TENM2: variants seen among roughly 807,000 people sequenced by gnomAD.
TENM2 encodes the protein teneurin transmembrane protein 2, also known as teneurin-2.
In TENM2, 52 loss-of-function variants were observed where a neutral mutation model predicts 245.2. That is an observed-to-expected ratio of 0.21 (90% CI 0.17 to 0.27). TENM2 has a LOEUF of 0.27. Among genes scored for constraint, TENM2 ranks in the 10% least tolerant of loss-of-function variants. TENM2 has a pLI of 1.00. For synonymous variants in TENM2, 1,363 were observed against 1,438.9 expected, an observed-to-expected ratio of 0.95 and a Z score of 1.19; for missense variants, 3,046 against 3,666.8, an observed-to-expected ratio of 0.83 and a Z score of 4.37.
At chr5:167,665,029 A>G (rs1312273204) in intron 2 of TENM2, among the ~76,000 whole-genome samples, 1 of 152,148 alleles carries the variant, frequency 6.6e-6, no homozygotes, top group Non-Finnish European at 1.5e-5. Context: ...GGATAATCAC[A>G]CTCTGCAAAT....
intron 1 of TENM2, among the ~76,000 whole-genome samples, chr5:167,304,166 A>G (rs1338855698): frequency 2.0e-5 from 3 of 152,210 alleles, no homozygotes; most frequent in Non-Finnish European, 2.9e-5. Flanking sequence ...TGGGTTCAGA[A>G]GCCAGAAGAT....
At chr5:167,168,505 A>G in the TENM2 span, 2 of 152,226 alleles carry the variant, frequency 1.3e-5, no homozygotes, top group Non-Finnish European at 2.9e-5. Context: ...CATCATCTGA[A>G]TTGTCCTTTC....
intron 2 of TENM2, among the ~76,000 whole-genome samples, chr5:167,623,599 A>G (rs980146532): frequency 2.6e-5 from 4 of 152,082 alleles, no homozygotes; most frequent in Admixed American, 2.6e-4. Context: ...ACTATGTACA[A>G]CTACCTCACA....
At chr5:167,028,877 G>A in the TENM2 span, among the ~76,000 whole-genome samples, 1 of 151,998 alleles carries the variant, frequency 6.6e-6, no homozygotes, top group African/African-American at 2.4e-5. Flanking sequence ...GCCTGTGTTT[G>A]CATTCTTTTT....
Position 167,952,837 on chromosome 5 carries a change from C to G in TENM2, c.947+15C>G. The G allele has an allele frequency of 6.5e-7, 1 of 1,547,828 alleles. No individual in the cohort carries two copies. The highest frequency in any genetic ancestry group is 2.0e-5 in the Admixed American group (1 of 51,018). On this transcript the variant is annotated intron_variant, in intron 4 of 28. Coordinates refer to ENST00000518659, the Ensembl canonical transcript of TENM2. ...CTGGAGACCCGGTAAGTCCCCATCGCCAGCTCACAGTCACACTCAGTGTCA... is the reference window on the plus strand; with the variant it reads ...CTGGAGACCCGGTAAGTCCCCATCGGCAGCTCACAGTCACACTCAGTGTCA...
chr5:167,290,470 G>A (rs1199094650), intron 1 of TENM2, among the ~76,000 whole-genome samples: 2 of 152,154 alleles, frequency 1.3e-5, no homozygotes, highest in Non-Finnish European at 2.9e-5. Flanking sequence ...ACCAGCAGAA[G>A]TGGCGATCAC....
the TENM2 span, among the ~76,000 whole-genome samples, chr5:167,229,625 C>T: frequency 6.6e-6 from 1 of 152,130 alleles, no homozygotes; most frequent in Non-Finnish European, 1.5e-5. Flanking sequence ...GACCTCAGAG[C>T]CCAAGGGAAG....
chr5:167,148,879 C>T, the TENM2 span, among the ~76,000 whole-genome samples: 2 of 152,112 alleles, frequency 1.3e-5, no homozygotes, highest in African/African-American at 4.8e-5. Flanking sequence ...AATTTATCCT[C>T]TTAATAATAA....
At chr5:167,972,266 T>C (rs1324705705) in intron 4 of TENM2, among the ~76,000 whole-genome samples, 1 of 152,232 alleles carries the variant, frequency 6.6e-6, no homozygotes, top group Admixed American at 6.5e-5. Context: ...TCAAAAATGC[T>C]TGTGGATGTC....
intron 2 of TENM2, among the ~76,000 whole-genome samples, chr5:167,782,007 C>T (rs973409285): frequency 5.4e-5 from 8 of 149,318 alleles, no homozygotes; most frequent in Non-Finnish European, 5.9e-5. Flanking sequence ...ACCCTGTGTC[C>T]AAAATAAATA....
chr5:167,255,224 A>G, the TENM2 span, among the ~76,000 whole-genome samples: 1 of 152,080 alleles, frequency 6.6e-6, no homozygotes, highest in Admixed American at 6.6e-5. Context: ...AATAAGATTT[A>G]TTGACACTGT....
chr5:167,060,266 T>C, the TENM2 span, among the ~76,000 whole-genome samples: 1 of 152,082 alleles, frequency 6.6e-6, no homozygotes, highest in Non-Finnish European at 1.5e-5. Context: ...TGTTGCCCAA[T>C]AGAAAAATAA....
intron 3 of TENM2, among the ~76,000 whole-genome samples, chr5:167,893,772 C>G (rs1774953120): frequency 6.6e-6 from 1 of 151,898 alleles, no homozygotes; most frequent in Non-Finnish European, 1.5e-5. Context: ...TGGGATGCAC[C>G]CTTAAGCAAG....
At chr5:168,062,459 G>A (rs760940393) in intron 7 of TENM2, among the ~76,000 whole-genome samples, 194 bp downstream of exon 9, 29 of 152,010 alleles carry the variant, frequency 1.9e-4, no homozygotes, top group Admixed American at 8.5e-4. Context: ...CAGCTGTTGT[G>A]GAAAAGAGAC....
At chr5:168,220,141 G>A (rs1312101525) in intron 23 of TENM2, among the ~76,000 whole-genome samples, 2 of 152,122 alleles carry the variant, frequency 1.3e-5, no homozygotes, top group Non-Finnish European at 2.9e-5. Context: ...TTCTGCCCTC[G>A]AGGGTACCAT....
intron 2 of TENM2, among the ~76,000 whole-genome samples, chr5:167,855,602 G>A (rs763867619): frequency 6.9e-6 from 1 of 144,868 alleles, no homozygotes; most frequent in Non-Finnish European, 1.5e-5. Flanking sequence ...ATATAATAGA[G>A]CCTGATATGT....
chr5:168,222,990 C>T (rs1255565879), intron 23 of TENM2, among the ~76,000 whole-genome samples: 2 of 152,210 alleles, frequency 1.3e-5, no homozygotes, highest in African/African-American at 4.8e-5. Flanking sequence ...GGGCCAGTTC[C>T]ATTGGGTTGG....
intron 25 of TENM2, among the ~76,000 whole-genome samples, chr5:168,237,871 G>A (rs1166571784): frequency 2.0e-5 from 3 of 151,792 alleles, no homozygotes; most frequent in African/African-American, 4.8e-5. Flanking sequence ...GGCCGGGCGC[G>A]GTGGCTCATG....
At chr5:167,348,131 A>G (rs1166398790) in intron 1 of TENM2, among the ~76,000 whole-genome samples, 1 of 152,216 alleles carries the variant, frequency 6.6e-6, no homozygotes, top group African/African-American at 2.4e-5. Flanking sequence ...TTTGGGAAAG[A>G]ATTGTTCAAA....
Sources: gnomAD v4.1 joint callset for allele counts (sites outside exome capture counted in the v4.1 genomes callset) on GRCh38, gnomAD v4.1.1 for gene constraint, MANE v1.5 for transcripts, NCBI Gene and HGNC (gene_info 2026-07-23, HGNC 2026-07-21) for gene names.